Variants in BMPR1A observed in about 807,000 individuals in gnomAD.
BMPR1A encodes the protein bone morphogenetic protein receptor type 1A.
A neutral mutation model predicts 66.0 loss-of-function variants in BMPR1A; 7 were observed. That is an observed-to-expected ratio of 0.11 (90% CI 0.06 to 0.20). The LOEUF (loss-of-function observed/expected upper bound fraction) is 0.20. BMPR1A is among the 10% of genes least tolerant of loss of function. The pLI is 1.00. For missense variants in BMPR1A, 408 were observed against 669.1 expected (o/e 0.61, Z 4.31); for synonymous variants, 200 against 229.7 (o/e 0.87, Z 1.17).
chr10:86,797,068 C>CTTTTTTTTTTTTTT (rs780930060), intron 1 of BMPR1A, among the ~76,000 whole-genome samples: 20 of 105,028 alleles, frequency 1.9e-4, no homozygotes, highest in African/African-American at 3.0e-4. Context: ...CTTTTCTTTT[C>CTTTTTTTTTTTTTT]TTTTTTTTTT....
At chr10:86,784,522 A>G (rs550209568) in intron 1 of BMPR1A, among the ~76,000 whole-genome samples, 4 of 152,322 alleles carry the variant, frequency 2.6e-5, no homozygotes, top group South Asian at 4.1e-4. Context: ...GAATATGTGC[A>G]TCAAAGTTTA....
chr10:86,871,732 G>A (rs1241324984), intron 2 of BMPR1A, among the ~76,000 whole-genome samples: 1 of 151,678 alleles, frequency 6.6e-6, no homozygotes, highest in East Asian at 1.9e-4. Flanking sequence ...ATTGCCTGGA[G>A]CCCAGGAGGC....
intron 7 of BMPR1A, among the ~76,000 whole-genome samples, chr10:86,907,983 G>T (rs1203803243): frequency 6.6e-6 from 1 of 152,160 alleles, no homozygotes; most frequent in African/African-American, 2.4e-5. Flanking sequence ...GAGAAGAATT[G>T]TAATATTCCC....
chr10:86,759,956 TC>T (rs1369788777), intron 1 of BMPR1A, among the ~76,000 whole-genome samples: 2 of 147,316 alleles, frequency 1.4e-5, no homozygotes, highest in South Asian at 2.2e-4. Context: ...CACGTAGTTC[TC>T]CCCCCACCAC....
At chr10:86,930,779 G>C (rs34669233), downstream of BMPR1A, 1,909 of 152,224 alleles carry the variant, frequency 0.013, 27 homozygotes, top group Middle Eastern at 0.054. Context: ...ACCCAGGCTA[G>C]TGTGCAGTGG....
chr10:86,875,654 A>C (rs1471832157), intron 2 of BMPR1A, among the ~76,000 whole-genome samples: 2 of 152,096 alleles, frequency 1.3e-5, no homozygotes, highest in Non-Finnish European at 1.5e-5. Flanking sequence ...CATATGGCTA[A>C]TCTGAGGTCA....
chr10:86,848,224 C>T (rs2133164825), intron 2 of BMPR1A, among the ~76,000 whole-genome samples: 1 of 152,208 alleles, frequency 6.6e-6, no homozygotes, highest in South Asian at 2.1e-4. Flanking sequence ...AGCCACCACG[C>T]CTGGTCCATA....
chr10:86,842,888 A>C (rs763965239), intron 2 of BMPR1A, among the ~76,000 whole-genome samples: 3 of 152,148 alleles, frequency 2.0e-5, no homozygotes, highest in Non-Finnish European at 4.4e-5. Context: ...GTATAGGGGA[A>C]ACTGCCCCCA....
chr10:86,784,340 T>G (rs1303192154), intron 1 of BMPR1A, among the ~76,000 whole-genome samples: 1 of 152,238 alleles, frequency 6.6e-6, no homozygotes, highest in Non-Finnish European at 1.5e-5. Flanking sequence ...ATGCTTTTTC[T>G]GCACCAGTTC....
intron 3 of BMPR1A, among the ~76,000 whole-genome samples, chr10:86,883,999 T>G (rs113363952): frequency 0.023 from 3,428 of 151,720 alleles, 133 homozygotes; most frequent in African/African-American, 0.079. Flanking sequence ...CTCAGCCTGC[T>G]GAGTAGCTGG....
intron 9 of BMPR1A, among the ~76,000 whole-genome samples, chr10:86,918,207 A>G (rs1446770535): frequency 6.6e-6 from 1 of 152,202 alleles, no homozygotes; most frequent in Admixed American, 6.5e-5. Context: ...CTAATCCTGT[A>G]TGAGTCATCT....
intron 7 of BMPR1A, among the ~76,000 whole-genome samples, chr10:86,910,969 A>G (rs992430408): frequency 2.0e-5 from 3 of 152,034 alleles, no homozygotes; most frequent in African/African-American, 4.8e-5. Context: ...AGCCTAGGCA[A>G]CATGGTGAAA....
intron 1 of BMPR1A, among the ~76,000 whole-genome samples, chr10:86,837,503 G>A (rs1842370059): frequency 6.6e-6 from 1 of 151,460 alleles, no homozygotes; most frequent in African/African-American, 2.4e-5. Context: ...TGGTGTAGTT[G>A]GCAAAGAATG....
At chr10:86,765,705 G>C (rs1008801727) in intron 1 of BMPR1A, among the ~76,000 whole-genome samples, 14 of 152,060 alleles carry the variant, frequency 9.2e-5, no homozygotes, top group Admixed American at 4.6e-4. Context: ...ATAGAACTGT[G>C]TGTTTTCTGT....
At chr10:86,872,536 T>C (rs554194524) in intron 2 of BMPR1A, among the ~76,000 whole-genome samples, 117 of 152,254 alleles carry the variant, frequency 7.7e-4, no homozygotes, top group African/African-American at 2.7e-3. Context: ...ATAAGTTGGT[T>C]GATGGTTTGA....
At chr10:86,902,805 C>G (rs79098086) in intron 7 of BMPR1A, among the ~76,000 whole-genome samples, 21 of 152,250 alleles carry the variant, frequency 1.4e-4, no homozygotes, top group African/African-American at 4.1e-4. Context: ...TGTCTCAGTT[C>G]GAAGAGTTGT....
intron 1 of BMPR1A, among the ~76,000 whole-genome samples, chr10:86,772,224 G>A (rs944673010): frequency 1.6e-4 from 23 of 145,526 alleles, no homozygotes; most frequent in Admixed American, 7.7e-4. Flanking sequence ...TCCACCTCCC[G>A]GGTTCACGCC....
chr10:86,820,784 C>T (rs1842111048), intron 1 of BMPR1A, among the ~76,000 whole-genome samples: 1 of 152,226 alleles, frequency 6.6e-6, no homozygotes, highest in Non-Finnish European at 1.5e-5. Flanking sequence ...TCTACCACTT[C>T]TCTGGAATCA....
chr10:86,912,752 CTGTAAGTTTAAACTG>C (rs1843509749), intron 8 of BMPR1A, among the ~76,000 whole-genome samples: 1 of 152,166 alleles, frequency 6.6e-6, no homozygotes, highest in Non-Finnish European at 1.5e-5. Context: ...TTCCTTGCAT[CTGTAAGTTTAAACTG>C]ATTGATTGAG....
Sources: allele counts gnomAD v4.1 joint callset (sites outside exome capture counted in the v4.1 genomes callset), GRCh38; gene constraint gnomAD v4.1.1; transcripts MANE v1.5; gene names NCBI Gene and HGNC (gene_info 2026-07-23, HGNC 2026-07-21).